The following SPDYA variants were observed in gnomAD, a reference collection of about 807,000 sequenced individuals.
The protein encoded by SPDYA is speedy/RINGO cell cycle regulator family member A.
SPDYA carries 11 observed loss-of-function variants against 36.7 expected under a neutral mutation model. The ratio of observed to expected loss-of-function variants is 0.30; its 90% CI spans 0.19 to 0.50. The LOEUF (loss-of-function observed/expected upper bound fraction) is 0.50, where lower values mean the gene tolerates loss of function less well. Ranked by LOEUF, SPDYA falls within the 20% of genes least tolerant of loss-of-function variation. SPDYA has a pLI of 0.98. For synonymous variants in SPDYA, 115 were observed against 118.7 expected (o/e 0.97, Z 0.20); for missense variants, 287 against 370.9 (o/e 0.77, Z 1.86).
rs183574672 is a variant in SPDYA at position 28,840,472 on chromosome 2, A to G, written c.850+3A>G. Reference sequence around the variant, plus strand: ...TCAAGCTTATACTGGTTCTGAAGGTATGATTTAGTAATATGCCAGAATTAG... The same window carrying G: ...TCAAGCTTATACTGGTTCTGAAGGTGTGATTTAGTAATATGCCAGAATTAG... On this transcript the variant is annotated splice_donor_region_variant and intron_variant, in intron 7 of 7. Coordinates refer to ENST00000334056, the MANE Select transcript of SPDYA (RefSeq NM_182756.4). 11 of 1,612,936 alleles carry G rather than the reference A, an allele frequency of 6.8e-6. No individual in the cohort carries two copies. In the South Asian group the frequency reaches 8.8e-5, roughly 13 times the overall value.
intron 4 of SPDYA, among the ~76,000 whole-genome samples, chr2:28,819,840 AAAAAAAAAAATATATATATATAT>A (rs1668093378): frequency 1.9e-5 from 1 of 52,318 alleles, no homozygotes; most frequent in African/African-American, 8.6e-5. Context: ...AAAAAAAAAA[AAAAAAAAAAATATATATATATAT>A]ATATATATAT....
At position 28,829,289 on chromosome 2, in the gene SPDYA, G is replaced by T; in HGVS notation, c.522G>T (p.Arg174Ser). 1 of 1,612,920 alleles carries T rather than the reference G, an allele frequency of 6.2e-7. No homozygotes were observed. The highest frequency in any genetic ancestry group is 8.5e-7 in the Non-Finnish European group (1 of 1,179,756). ...RDQLWDRIDYRAIVSRRCCEE... is the reference protein window; with the variant it reads ...RDQLWDRIDYSAIVSRRCCEE... ...AGCTCTGGGATAGAATTGACTATAG[G>T]GCTATTGTAAGCAGGCGATGTTGTG... The change falls in exon 6 of 8, where the codon AGG becomes AGT. Residue 174 changes from arginine (R) to serine (S), a missense_variant. Transcript: ENST00000334056.
chr2:28,826,949 C>CTTTTTTTTTTTTTTTTT (rs1309143694), intron 5 of SPDYA, among the ~76,000 whole-genome samples: 1 of 113,806 alleles, frequency 8.8e-6, no homozygotes, highest in African/African-American at 3.4e-5. Context: ...TCTTTTCTTT[C>CTTTTTTTTTTTTTTTTT]TTTTTTTTTT....
chr2:28,845,885 T>C (rs1193782181), intron 7 of SPDYA, among the ~76,000 whole-genome samples: 1 of 152,140 alleles, frequency 6.6e-6, no homozygotes, highest in Non-Finnish European at 1.5e-5. Flanking sequence ...TATATATGTA[T>C]TACTATGAAA....
At position 28,850,369 on chromosome 2, in the gene SPDYA, G is replaced by A. The variant is rs1293112011; in HGVS notation, c.*428G>A. The stretch of plus-strand genomic sequence containing the variant: ...CCAGTGTACTGGTCTAGCAACATAG[G>A]GAAATGATCCATATGGAAAATCAGA... On this transcript the variant is annotated 3_prime_UTR_variant, in exon 8 of 8. Transcript: ENST00000334056. 1.2e-6 allele frequency: 2 copies of A among 1,609,610 alleles called. No individual in the cohort carries two copies. The highest frequency in any genetic ancestry group is 1.7e-6 in the Non-Finnish European group (2 of 1,177,982).
At position 28,816,245 on chromosome 2, in the gene SPDYA, A is replaced by G. The variant is rs1667981492; in HGVS notation, c.231A>G (p.Leu77=). Reference sequence around the variant, plus strand: ...AGGATATGACTGCTTTCTTTAAATTATTTGGTAGGTTTAAAATATTGTAAT... The same window carrying G: ...AGGATATGACTGCTTTCTTTAAATTGTTTGGTAGGTTTAAAATATTGTAAT... ...QRQDMTAFFK[L]FDDDLIQDFL... is the part of the protein sequence containing the mutation. The change falls in exon 3 of 8, where the codon TTA becomes TTG. Residue 77 remains leucine, a synonymous_variant. Coordinates refer to ENST00000334056, the MANE Select transcript of SPDYA (RefSeq NM_182756.4). 6.3e-7 allele frequency: 1 copy of G among 1,593,384 alleles called. No homozygotes were observed. The highest frequency in any genetic ancestry group is 8.5e-7 in the Non-Finnish European group (1 of 1,170,980).
chr2:28,824,406 A>T (rs1668261095), intron 5 of SPDYA, among the ~76,000 whole-genome samples: 1 of 144,844 alleles, frequency 6.9e-6, no homozygotes, highest in Non-Finnish European at 1.5e-5. Flanking sequence ...TGAGCCCAGG[A>T]GTTCAAGGCT....
chr2:28,830,149 A>C (rs979710444), intron 6 of SPDYA, among the ~76,000 whole-genome samples: 4 of 151,524 alleles, frequency 2.6e-5, no homozygotes, highest in African/African-American at 9.7e-5. Flanking sequence ...AAAAACAAAC[A>C]AACAAATTGT....
rs758010507 is a variant in SPDYA at position 28,816,144 on chromosome 2, C to A, written c.130C>A (p.Gln44Lys). The A allele has an allele frequency of 6.2e-7, 1 of 1,613,850 alleles. No homozygotes were observed. The highest frequency in any genetic ancestry group is 8.5e-7 in the Non-Finnish European group (1 of 1,179,904). Residue 44 changes from glutamine to lysine, a missense_variant, in exon 3 of 8, where the codon CAA (glutamine) becomes AAA (lysine). Transcript: ENST00000334056. ...LKRPICKDNW[Q>K]AFEKNTHNNN... ...GCGTCCTATTTGTAAAGATAATTGG[C>A]AAGCATTTGAAAAAAATACACATAA...
intron 7 of SPDYA, among the ~76,000 whole-genome samples, chr2:28,849,361 A>C (rs1454935663): frequency 2.0e-5 from 3 of 152,090 alleles, no homozygotes; most frequent in Non-Finnish European, 4.4e-5. Flanking sequence ...GCACAGTCGC[A>C]GCTCACTGCA....
At chr2:28,832,441 ACTTAT>A (rs1668500819) in intron 6 of SPDYA, among the ~76,000 whole-genome samples, 8 of 152,134 alleles carry the variant, frequency 5.3e-5, no homozygotes, top group African/African-American at 2.4e-5. Flanking sequence ...ATTGGTATTA[ACTTAT>A]TAGGTGACCC....
intron 5 of SPDYA, among the ~76,000 whole-genome samples, chr2:28,822,888 G>A (rs942935896): frequency 6.6e-6 from 1 of 152,172 alleles, no homozygotes; most frequent in Non-Finnish European, 1.5e-5. Flanking sequence ...TTACAGGTGT[G>A]AGCCACTGCG....
chr2:28,824,452 G>C (rs1668262330), intron 5 of SPDYA, among the ~76,000 whole-genome samples: 1 of 146,008 alleles, frequency 6.8e-6, no homozygotes, highest in African/African-American at 2.5e-5. Flanking sequence ...CTCCAGCCTG[G>C]GCAACAGAGC....
chr2:28,826,836 C>T (rs1012519547), intron 5 of SPDYA, among the ~76,000 whole-genome samples: 2 of 151,226 alleles, frequency 1.3e-5, no homozygotes, highest in Non-Finnish European at 3.0e-5. Flanking sequence ...GGCTGGGTTT[C>T]GAACTCCTCA....
At chr2:28,822,581 A>G (rs1397185700) in intron 5 of SPDYA, among the ~76,000 whole-genome samples, 171 bp downstream of exon 5, 1 of 151,974 alleles carries the variant, frequency 6.6e-6, no homozygotes, top group East Asian at 1.9e-4. Flanking sequence ...TTCACTTATC[A>G]TGCTATATGC....
chr2:28,840,100 A>G (rs1301995803), intron 6 of SPDYA, 72 bp from the exon 7 acceptor site: 10 of 1,367,262 alleles, frequency 7.3e-6, no homozygotes, highest in Admixed American at 4.7e-5. Flanking sequence ...TTCTTGAGTT[A>G]TAAGTTTTGA....
At chr2:28,819,848 AAATATATATATATATATATAT>A (rs1668104053) in intron 4 of SPDYA, among the ~76,000 whole-genome samples, 8 of 18,536 alleles carry the variant, frequency 4.3e-4, no homozygotes, top group Non-Finnish European at 6.3e-4. Context: ...AAAAAAAAAA[AAATATATATATATATATATAT>A]ATATATATAT....
chr2:28,811,370 G>T lies in SPDYA; in HGVS notation c.-93+423G>T, dbSNP rs1053127140. Among the ~76,000 whole-genome samples, 1 of 152,204 alleles carries T rather than the reference G, an allele frequency of 6.6e-6. No individual in the cohort carries two copies. Among genetic ancestry groups the T allele is most frequent in the African/African-American group, 2.4e-5 (1 of 41,456 alleles). ...CCGCCTTTATTGTGGGAGGAATGGA[G>T]ATTTGGGGGGTCTTTTTGATAAATC... On this transcript the variant is annotated intron_variant, in intron 1 of 7. Coordinates refer to ENST00000334056, the MANE Select transcript of SPDYA (RefSeq NM_182756.4). This position sits in a 1 kb window ranked among gnomAD's most constrained non-coding sequence, Gnocchi z 4.2.
intron 5 of SPDYA, 97 bp from the exon 6 acceptor site, chr2:28,829,051 C>T: frequency 3.0e-6 from 3 of 1,004,638 alleles, no homozygotes; most frequent in Non-Finnish European, 2.9e-6. Flanking sequence ...GAACACCTTT[C>T]ATGTGTTTAT....
Sources: gnomAD v4.1 joint callset for allele counts (sites outside exome capture counted in the v4.1 genomes callset) on GRCh38, gnomAD v4.1.1 for gene constraint, Gnocchi (gnomAD v3.1) non-coding constraint, MANE v1.5 for transcripts, NCBI Gene and HGNC (gene_info 2026-07-23, HGNC 2026-07-21) for gene names.